PPP1R1C: variants seen among roughly 807,000 people sequenced by gnomAD.
The protein encoded by PPP1R1C is protein phosphatase 1 regulatory subunit 1C.
In PPP1R1C, 15 loss-of-function variants were observed where a neutral mutation model predicts 17.4. That is an observed-to-expected ratio of 0.86 (90% confidence interval 0.58 to 1.33). The LOEUF is 1.33. PPP1R1C is among the 40% of genes most tolerant of loss of function. PPP1R1C has a pLI of 0.00. For synonymous variants in PPP1R1C, 35 were observed against 43.1 expected (o/e 0.81, Z 0.73); for missense variants, 143 against 130.0 (o/e 1.10, Z -0.48).
chr2:182,115,123 C>T (rs900147250), intron 4 of PPP1R1C, among the ~76,000 whole-genome samples: 1 of 152,040 alleles, frequency 6.6e-6, no homozygotes, highest in South Asian at 2.1e-4. Flanking sequence ...CTTTGCAAAC[C>T]TGGCAAGATA....
In PPP1R1C at chr2:181,986,098, TATC is replaced by T; in HGVS notation, c.-7_-5del. The T allele has an allele frequency of 1.2e-6, 2 of 1,609,684 alleles. No individual in the cohort carries two copies. The highest frequency in any genetic ancestry group is 1.7e-6 in the Non-Finnish European group (2 of 1,175,958). On this transcript the variant is annotated 5_prime_UTR_variant, in exon 1 of 5. Transcript: ENST00000682840. ...TGAGCTCTTCACATCTCTGACTAAT[TATC>T]ATCATTACCATGGAGCCCAACAGTC...
chr2:182,127,027 G>A (rs1238782392), intron 5 of PPP1R1C, among the ~76,000 whole-genome samples: 1 of 152,030 alleles, frequency 6.6e-6, no homozygotes, highest in South Asian at 2.1e-4. Context: ...TCGAAGGAAC[G>A]AACATAGTGA....
chr2:181,980,217 G>A (rs79377644), intron 2 of PPP1R1C, among the ~76,000 whole-genome samples: 245 of 152,156 alleles, frequency 1.6e-3, no homozygotes, highest in Non-Finnish European at 1.8e-3. Flanking sequence ...TATATTTCTA[G>A]GTATACTCAG....
chr2:182,002,391 G>A (rs1360372779), intron 2 of PPP1R1C, among the ~76,000 whole-genome samples: 1 of 151,650 alleles, frequency 6.6e-6, no homozygotes, highest in Non-Finnish European at 1.5e-5. Flanking sequence ...AATTGAGAAG[G>A]AATAAAAAAC....
At chr2:182,077,716 A>G (rs181271845) in intron 4 of PPP1R1C, among the ~76,000 whole-genome samples, 5 of 152,190 alleles carry the variant, frequency 3.3e-5, no homozygotes, top group Non-Finnish European at 7.3e-5. Context: ...AATAAACACT[A>G]CATAGGCAAG....
chr2:182,069,260 A>G (rs1559080241), intron 4 of PPP1R1C, among the ~76,000 whole-genome samples: 2 of 150,914 alleles, frequency 1.3e-5, no homozygotes, highest in African/African-American at 4.9e-5. Flanking sequence ...CTAAATATAT[A>G]CAAGTCTCGC....
chr2:181,962,802 C>G lies in PPP1R1C; in HGVS notation n.111+8168C>G, dbSNP rs925146380. 3.9e-5 allele frequency among the ~76,000 whole-genome samples: 6 copies of G among 152,062 alleles called. No individual in the cohort carries two copies. The highest frequency in any genetic ancestry group is 1.4e-4 in the African/African-American group (6 of 41,404). Reference sequence around the variant, plus strand: ...GACTGTGGCTGGAGATAAAGGAAAGCGGAGCCTGAGCTAACCAGGGACCTT... The same window carrying G: ...GACTGTGGCTGGAGATAAAGGAAAGGGGAGCCTGAGCTAACCAGGGACCTT... On this transcript the variant is annotated intron_variant and non_coding_transcript_variant, in intron 1 of 5. Coordinates refer to the PPP1R1C transcript ENST00000464264. The surrounding 1 kb of genome is among the most constrained non-coding windows in gnomAD (Gnocchi z 6.0).
At chr2:182,114,778 C>T (rs1408463121) in intron 4 of PPP1R1C, among the ~76,000 whole-genome samples, 2 of 152,206 alleles carry the variant, frequency 1.3e-5, no homozygotes, top group East Asian at 3.9e-4. Context: ...TAAGGAAGAC[C>T]TTCTAACATT....
At chr2:182,127,559 C>T (rs1689904120) in intron 5 of PPP1R1C, among the ~76,000 whole-genome samples, 1 of 152,066 alleles carries the variant, frequency 6.6e-6, no homozygotes, top group African/African-American at 2.4e-5. Context: ...AACCAAGCTG[C>T]TGCTCCAAGC....
intron 5 of PPP1R1C, among the ~76,000 whole-genome samples, chr2:182,122,991 G>T (rs905777838): frequency 6.6e-6 from 1 of 152,124 alleles, no homozygotes; most frequent in African/African-American, 2.4e-5. Flanking sequence ...TTCTCCTAAT[G>T]CTATCCCTCC....
intron 2 of PPP1R1C, among the ~76,000 whole-genome samples, chr2:182,046,387 C>T (rs1330610308): frequency 6.6e-6 from 1 of 152,030 alleles, no homozygotes; most frequent in Non-Finnish European, 1.5e-5. Context: ...AGCTTTGCTT[C>T]AGTTTTTATA....
chr2:181,960,569 T>C (rs1574339171), intron 1 of PPP1R1C, among the ~76,000 whole-genome samples: 1 of 152,244 alleles, frequency 6.6e-6, no homozygotes, highest in African/African-American at 2.4e-5. Context: ...CATTTCCACC[T>C]ATTTCTCCAA....
chr2:182,121,565 G>A (rs1465238297), downstream of PPP1R1C, among the ~76,000 whole-genome samples: 6 of 152,024 alleles, frequency 3.9e-5, no homozygotes, highest in African/African-American at 1.4e-4. Flanking sequence ...TCGGCTTACT[G>A]AAACCTCCAC....
chr2:181,969,333 T>A (rs1388426453), intron 1 of PPP1R1C, among the ~76,000 whole-genome samples: 1 of 152,180 alleles, frequency 6.6e-6, no homozygotes, highest in East Asian at 1.9e-4. Context: ...TATTTATTTC[T>A]CCTTCATGTT....
At chr2:182,105,907 A>G (rs1344655241) in intron 4 of PPP1R1C, among the ~76,000 whole-genome samples, 1 of 152,202 alleles carries the variant, frequency 6.6e-6, no homozygotes, top group Non-Finnish European at 1.5e-5. Context: ...TTGAAGCAGC[A>G]GAAATGTATT....
chr2:181,978,926 G>A (rs1288663949), intron 2 of PPP1R1C, among the ~76,000 whole-genome samples: 1 of 152,076 alleles, frequency 6.6e-6, no homozygotes, highest in Non-Finnish European at 1.5e-5. Flanking sequence ...CCAGGTGTCA[G>A]GCATGTGAGT....
intron 4 of PPP1R1C, among the ~76,000 whole-genome samples, chr2:182,116,635 T>C (rs992679636): frequency 2.0e-5 from 3 of 152,142 alleles, no homozygotes; most frequent in Admixed American, 2.0e-4. Flanking sequence ...TATAAGAGCC[T>C]TGTATAGCAG....
intron 2 of PPP1R1C, among the ~76,000 whole-genome samples, chr2:182,051,634 T>G (rs901672587): frequency 3.3e-5 from 5 of 151,020 alleles, no homozygotes; most frequent in African/African-American, 1.2e-4. Flanking sequence ...CTGTGCTAGG[T>G]GAGTCCCACT....
intron 2 of PPP1R1C, among the ~76,000 whole-genome samples, chr2:182,007,572 T>G (rs1685958241): frequency 2.0e-5 from 3 of 152,186 alleles, no homozygotes; most frequent in Admixed American, 2.0e-4. Context: ...GAGAACTAGA[T>G]AGTAGTGGAT....
Sources: gnomAD v4.1 joint callset for allele counts (sites outside exome capture counted in the v4.1 genomes callset) on GRCh38, gnomAD v4.1.1 for gene constraint, Gnocchi (gnomAD v3.1) non-coding constraint, MANE v1.5 for transcripts, NCBI Gene and HGNC (gene_info 2026-07-23, HGNC 2026-07-21) for gene names.